Variants in INPP4B observed in about 807,000 individuals in gnomAD.
INPP4B encodes inositol polyphosphate-4-phosphatase type II B, also known as inositol polyphosphate 4-phosphatase type II.
In INPP4B, 55 loss-of-function variants were observed where a neutral mutation model predicts 122.5. That is an observed-to-expected ratio of 0.45 (90% CI 0.36 to 0.56). INPP4B has a LOEUF of 0.56. INPP4B is among the 20% of genes least tolerant of loss of function. INPP4B has a pLI of 0.00. For missense variants in INPP4B, 1,000 were observed against 1,097.7 expected (o/e 0.91, Z 1.26); for synonymous variants, 403 against 388.7 (o/e 1.04, Z -0.43).
rs1249933616 is a variant in INPP4B, at chr4:142,745,275, A to C, written c.-253-19374T>G. On this transcript the variant is annotated intron_variant, in intron 1 of 25. Coordinates refer to ENST00000262992, the MANE Select transcript of INPP4B (RefSeq NM_001101669.3). ...CAAAAACAAAACAAAAACAAAGGAC[A>C]AAAGGAAAACAAATGGGACAATGAT... 2.0e-5 allele frequency among the ~76,000 whole-genome samples: 3 copies of C among 151,932 alleles called. No homozygotes were observed. The East Asian group carries it at 5.8e-4, about 29-fold the overall frequency.
chr4:142,665,421 G>A (rs1020762631), intron 2 of INPP4B, among the ~76,000 whole-genome samples: 1 of 148,258 alleles, frequency 6.7e-6, no homozygotes, highest in East Asian at 2.0e-4. Flanking sequence ...GTGAACCTGG[G>A]AGGCAGAGCT....
chr4:142,306,051 C>T (rs948178795), intron 8 of INPP4B: 12 of 442,800 alleles, frequency 2.7e-5, no homozygotes, highest in Non-Finnish European at 3.6e-5. Context: ...AGCATTTTTC[C>T]TTTGTTATTT....
chr4:142,062,630 G>T (rs966941447), intron 25 of INPP4B, among the ~76,000 whole-genome samples: 9 of 151,976 alleles, frequency 5.9e-5, no homozygotes, highest in Non-Finnish European at 1.2e-4. Context: ...CAGCTACTTG[G>T]GGGGCTGAGG....
At chr4:142,098,846 TAGC>T (rs1423306212) in intron 23 of INPP4B, among the ~76,000 whole-genome samples, 2 of 151,996 alleles carry the variant, frequency 1.3e-5, no homozygotes, top group Non-Finnish European at 2.9e-5. Context: ...TGATAGTTAA[TAGC>T]AGGTATTTAA....
At chr4:142,062,296 G>A (rs1048709938) in intron 25 of INPP4B, among the ~76,000 whole-genome samples, 18 of 146,684 alleles carry the variant, frequency 1.2e-4, no homozygotes, top group Non-Finnish European at 4.4e-5. Context: ...CATCATCACA[G>A]CACCACACCA....
chr4:142,096,839 G>A (rs1353295674), intron 23 of INPP4B, among the ~76,000 whole-genome samples: 1 of 152,108 alleles, frequency 6.6e-6, no homozygotes, highest in East Asian at 1.9e-4. Flanking sequence ...CCATTAGACA[G>A]CAATGGTGGA....
At chr4:142,579,662 C>T (rs914461807) in intron 2 of INPP4B, among the ~76,000 whole-genome samples, 1 of 151,722 alleles carries the variant, frequency 6.6e-6, no homozygotes, top group East Asian at 2.0e-4. Context: ...GGGACATTGG[C>T]TTTTTCTCCC....
intron 11 of INPP4B, among the ~76,000 whole-genome samples, chr4:142,253,167 T>C (rs1345621505): frequency 1.3e-5 from 2 of 152,142 alleles, no homozygotes; most frequent in Non-Finnish European, 2.9e-5. Context: ...TAAAGGGCAT[T>C]TACCATGAAA....
At chr4:142,409,453 A>C (rs1804146236) in intron 5 of INPP4B, among the ~76,000 whole-genome samples, 1 of 152,146 alleles carries the variant, frequency 6.6e-6, no homozygotes, top group African/African-American at 2.4e-5. Context: ...AGATTGCGTC[A>C]TTGTGCTCTA....
At chr4:142,322,424 T>G (rs1282701993) in intron 7 of INPP4B, among the ~76,000 whole-genome samples, 5 of 152,222 alleles carry the variant, frequency 3.3e-5, no homozygotes, top group African/African-American at 1.2e-4. Context: ...CAAACTCACA[T>G]GCCCACAGGC....
At chr4:142,521,618 C>T (rs990187477) in intron 2 of INPP4B, among the ~76,000 whole-genome samples, 19 of 151,946 alleles carry the variant, frequency 1.3e-4, no homozygotes, top group Admixed American at 5.3e-4. Flanking sequence ...CATCCTGACC[C>T]CTTTTGTTTC....
At chr4:142,207,045 T>C (rs907530652) in intron 14 of INPP4B, among the ~76,000 whole-genome samples, 7 of 152,166 alleles carry the variant, frequency 4.6e-5, no homozygotes, top group African/African-American at 1.4e-4. Context: ...AGTAATATTA[T>C]GTAGTATTTG....
At chr4:142,380,383 C>A (rs1422698082) in intron 7 of INPP4B, among the ~76,000 whole-genome samples, 1 of 152,096 alleles carries the variant, frequency 6.6e-6, no homozygotes, top group Non-Finnish European at 1.5e-5. Flanking sequence ...GTTGAGCAGG[C>A]CCCTCACTTA....
At chr4:142,086,554 A>T (rs991883220) in intron 23 of INPP4B, among the ~76,000 whole-genome samples, 1 of 152,000 alleles carries the variant, frequency 6.6e-6, no homozygotes, top group South Asian at 2.1e-4. Context: ...GGGTTTGGCC[A>T]TTGTCACCCA....
intron 9 of INPP4B, among the ~76,000 whole-genome samples, chr4:142,284,500 T>A (rs1752624905): frequency 6.6e-6 from 1 of 152,134 alleles, no homozygotes; most frequent in Admixed American, 6.5e-5. Context: ...CAAATTTTCC[T>A]TCTCAGGGAA....
chr4:142,255,589 G>C (rs1299962466), intron 11 of INPP4B, among the ~76,000 whole-genome samples: 1 of 152,050 alleles, frequency 6.6e-6, no homozygotes, highest in Non-Finnish European at 1.5e-5. Context: ...AACCAACAAA[G>C]ACCAAAAGCG....
intron 1 of INPP4B, among the ~76,000 whole-genome samples, chr4:142,790,762 G>T (rs72728651): frequency 0.23 from 35,287 of 151,828 alleles, 4,366 homozygotes; most frequent in South Asian, 0.35. Context: ...ATGCAGAAAA[G>T]AATGTTATTC....
intron 2 of INPP4B, among the ~76,000 whole-genome samples, chr4:142,602,818 T>C (rs757535871): frequency 3.3e-5 from 5 of 152,136 alleles, no homozygotes; most frequent in Non-Finnish European, 4.4e-5. Flanking sequence ...CTCAAAGACC[T>C]AGAGGCAGAA....
intron 5 of INPP4B, among the ~76,000 whole-genome samples, chr4:142,418,697 T>C (rs1806251928): frequency 6.6e-6 from 1 of 152,102 alleles, no homozygotes; most frequent in Non-Finnish European, 1.5e-5. Flanking sequence ...CATGGGTTGA[T>C]AGAGAGTGAG....
Sources: gnomAD v4.1 joint callset for allele counts (sites outside exome capture counted in the v4.1 genomes callset) on GRCh38, gnomAD v4.1.1 for gene constraint, MANE v1.5 for transcripts, NCBI Gene and HGNC (gene_info 2026-07-23, HGNC 2026-07-21) for gene names.